GRIK1: variants seen among roughly 807,000 people sequenced by gnomAD.
The protein encoded by GRIK1 is glutamate ionotropic receptor kainate type subunit 1, also known as glutamate receptor ionotropic, kainate 1.
Under a neutral mutation model 105.7 loss-of-function variants are expected in GRIK1, and 69 were observed. That is an observed-to-expected ratio of 0.65 (90% CI 0.54 to 0.80). The LOEUF is 0.80. GRIK1 is among the 30% of genes least tolerant of loss of function. The probability of loss-of-function intolerance (pLI) is 0.00; values close to 1 mark genes in which losing one functional copy is unlikely to be tolerated. For synonymous variants in GRIK1, 438 were observed against 431.3 expected (o/e 1.02, Z -0.19); for missense variants, 1,109 against 1,167.3 (o/e 0.95, Z 0.73).
At chr21:29,680,369 A>C (rs932375402) in intron 3 of GRIK1, among the ~76,000 whole-genome samples, 6 of 152,148 alleles carry the variant, frequency 3.9e-5, no homozygotes, top group African/African-American at 1.4e-4. Flanking sequence ...CCAGCTCTAC[A>C]TTAAAAATGT....
At chr21:29,613,328 T>C (rs2061770810) in intron 7 of GRIK1, among the ~76,000 whole-genome samples, 1 of 152,222 alleles carries the variant, frequency 6.6e-6, no homozygotes, top group Admixed American at 6.5e-5. Flanking sequence ...TCATCAATAA[T>C]ATAGTGCAGT....
intron 4 of GRIK1, among the ~76,000 whole-genome samples, chr21:29,669,433 C>T (rs923570417): frequency 2.6e-5 from 4 of 152,204 alleles, no homozygotes; most frequent in African/African-American, 7.2e-5. Flanking sequence ...GCTATTAATA[C>T]TGATCTTATC....
intron 1 of GRIK1, among the ~76,000 whole-genome samples, chr21:29,909,795 G>T (rs539625575): frequency 1.6e-4 from 24 of 152,276 alleles, no homozygotes; most frequent in African/African-American, 4.3e-4. Context: ...GAAGCGGAGA[G>T]AGCCTGGGCG....
intron 1 of GRIK1, 82 bp downstream of exon 1, chr21:29,939,301 T>G (rs1569234831): frequency 2.5e-6 from 2 of 809,366 alleles, no homozygotes; most frequent in East Asian, 5.5e-5. Context: ...CGCCGCGCGC[T>G]GCCTCGCCCG....
chr21:29,855,969 G>T (rs1689960812), intron 1 of GRIK1, among the ~76,000 whole-genome samples: 2 of 152,156 alleles, frequency 1.3e-5, no homozygotes, highest in Admixed American at 1.3e-4. Context: ...ACTGGAATTG[G>T]GGGGAAACAC....
chr21:29,732,490 G>A (rs2064659088), intron 1 of GRIK1, among the ~76,000 whole-genome samples: 1 of 152,140 alleles, frequency 6.6e-6, no homozygotes, highest in African/African-American at 2.4e-5. Context: ...TAAGTAGATT[G>A]CAATCATGAT....
At chr21:29,939,318 G>C in intron 1 of GRIK1, 65 bp downstream of exon 1, 2 of 984,808 alleles carry the variant, frequency 2.0e-6, no homozygotes, top group South Asian at 2.8e-5. Context: ...CCCGGGACCC[G>C]CTACACCCGC....
chr21:29,710,355 C>T (rs886311837), intron 1 of GRIK1, among the ~76,000 whole-genome samples: 2 of 151,708 alleles, frequency 1.3e-5, no homozygotes, highest in African/African-American at 4.8e-5. Context: ...TTGGCCTTGT[C>T]AATTTTGTCA....
At chr21:29,848,777 ATAT>A (rs926937509) in intron 1 of GRIK1, among the ~76,000 whole-genome samples, 4 of 70,938 alleles carry the variant, frequency 5.6e-5, no homozygotes, top group African/African-American at 2.5e-4. Context: ...ATATATATAT[ATAT>A]TTTTTTTTTT....
At chr21:29,837,837 T>C (rs1332244043) in intron 1 of GRIK1, among the ~76,000 whole-genome samples, 1 of 152,212 alleles carries the variant, frequency 6.6e-6, no homozygotes, top group African/African-American at 2.4e-5. Context: ...TCTTATACAG[T>C]GTGGCTTCCA....
At position 29,608,055 on chromosome 21, in the gene GRIK1, G is replaced by A. The variant is rs140680897; in HGVS notation, c.1099-9118C>T. On this transcript the variant is annotated intron_variant, in intron 7 of 17. Coordinates refer to ENST00000327783, the MANE Select transcript of GRIK1 (RefSeq NM_001330994.2). ...TGCTTCTCATTAAGAGATAATATTG[G>A]CATGATGATTACCATTAGTGTGTGT... Among the ~76,000 whole-genome samples the A allele has an allele frequency of 2.8e-3, 428 of 152,072 alleles. 3 individuals are homozygous for A. Among genetic ancestry groups the A allele is most frequent in the African/African-American group, 9.6e-3 (399 of 41,504 alleles).
intron 15 of GRIK1, among the ~76,000 whole-genome samples, chr21:29,557,015 A>T (rs1163358420): frequency 6.6e-6 from 1 of 152,192 alleles, no homozygotes; most frequent in Non-Finnish European, 1.5e-5. Flanking sequence ...AATATTATTT[A>T]TTCTCTATCT....
chr21:29,761,657 C>T (rs1247916170), intron 1 of GRIK1, among the ~76,000 whole-genome samples: 1 of 152,030 alleles, frequency 6.6e-6, no homozygotes, highest in Non-Finnish European at 1.5e-5. Flanking sequence ...TATGCCTTTA[C>T]AATTACAGTT....
At chr21:29,638,132 C>CATGGTAAG (rs879845129) in intron 7 of GRIK1, among the ~76,000 whole-genome samples, 1 of 151,800 alleles carries the variant, frequency 6.6e-6, no homozygotes, top group Non-Finnish European at 1.5e-5. Context: ...TTTTTCCTGA[C>CATGGTAAG]CACTACCTTA....
At chr21:29,686,989 C>A (rs2063497388) in intron 3 of GRIK1, among the ~76,000 whole-genome samples, 1 of 152,262 alleles carries the variant, frequency 6.6e-6, no homozygotes, top group South Asian at 2.1e-4. Flanking sequence ...AAGTAGGTGA[C>A]TAACGGGAAG....
chr21:29,565,948 T>C (rs2090602956), intron 14 of GRIK1, among the ~76,000 whole-genome samples: 1 of 152,242 alleles, frequency 6.6e-6, no homozygotes, highest in Admixed American at 6.5e-5. Flanking sequence ...GGCTCTTTCT[T>C]CTTTACTGCA....
chr21:29,776,047 G>A (rs962769294), intron 1 of GRIK1, among the ~76,000 whole-genome samples: 3 of 152,184 alleles, frequency 2.0e-5, no homozygotes, highest in Non-Finnish European at 4.4e-5. Context: ...GTGGCAGGAA[G>A]GAGAATGAAT....
At chr21:29,733,880 A>G (rs1320544399) in intron 1 of GRIK1, among the ~76,000 whole-genome samples, 7 of 152,148 alleles carry the variant, frequency 4.6e-5, no homozygotes, top group Non-Finnish European at 1.0e-4. Context: ...GTATATGGAT[A>G]TAGTAGATGT....
At chr21:29,841,643 G>C (rs1451420171) in intron 1 of GRIK1, among the ~76,000 whole-genome samples, 1 of 152,122 alleles carries the variant, frequency 6.6e-6, no homozygotes, top group Non-Finnish European at 1.5e-5. Context: ...ATATGTTATT[G>C]AATATATCTG....
Sources: allele counts gnomAD v4.1 joint callset (sites outside exome capture counted in the v4.1 genomes callset), GRCh38; gene constraint gnomAD v4.1.1; transcripts MANE v1.5; gene names NCBI Gene and HGNC (gene_info 2026-07-23, HGNC 2026-07-21).